The following OTOP1 variants were observed in gnomAD, a reference collection of about 807,000 sequenced individuals.
The protein encoded by OTOP1 is otopetrin 1.
In OTOP1, 59 loss-of-function variants were observed where a neutral mutation model predicts 52.9. The observed-to-expected ratio is 1.12, with a 90% confidence interval of 0.91 to 1.39. The LOEUF (loss-of-function observed/expected upper bound fraction) is 1.39, where lower values mean the gene tolerates loss of function less well. OTOP1 is among the 40% of genes most tolerant of loss of function. The probability of loss-of-function intolerance (pLI) is 0.00; values close to 1 mark genes in which losing one functional copy is unlikely to be tolerated. For missense variants in OTOP1, 761 were observed against 800.9 expected (o/e 0.95, Z 0.60); for synonymous variants, 317 against 337.7 (o/e 0.94, Z 0.67).
intron 1 of OTOP1, 52 bp from the exon 2 acceptor site, chr4:4,213,056 C>T (rs1717060153): frequency 2.5e-6 from 4 of 1,573,810 alleles, no homozygotes; most frequent in East Asian, 4.5e-5. Flanking sequence ...CATTAACATA[C>T]ATTGATGTCA....
At chr4:4,206,006 A>T in intron 3 of OTOP1, 66 bp downstream of exon 3, 1 of 1,346,550 alleles carries the variant, frequency 7.4e-7, no homozygotes. Context: ...GATGGCAGTG[A>T]TGAGTTTTGA....
chr4:4,208,762 G>A (rs114508039), intron 2 of OTOP1, among the ~76,000 whole-genome samples: 23,112 of 143,962 alleles, frequency 0.16, 2,308 homozygotes, highest in Non-Finnish European at 0.23. Context: ...GATGGTAAGT[G>A]TTATGTGATT....
In OTOP1 at chr4:4,197,365, G is replaced by A. The variant is rs750979024; in HGVS notation, c.1469C>T (p.Pro490Leu). ...KSGGVARDVA[P>L]QGKDMPPAAN... is the part of the protein sequence containing the mutation. ...TGCTGGTGGCATGTCCTTGCCCTGG[G>A]GAGCCACATCTCTGGCCACACCTCC... Residue 490 changes from proline to leucine, a missense_variant, in exon 5 of 6, where the codon CCC becomes CTC. Physicochemically the swap from Pro to Leu is moderately conservative, Grantham distance 98. Around this residue, in one of 3 missense-constraint regions of OTOP1, gnomAD observed 632 missense variants for 619.5 expected, o/e 1.02. Transcript: ENST00000296358. 1 of 1,614,076 alleles carries A rather than the reference G, an allele frequency of 6.2e-7. No homozygotes were observed. Among genetic ancestry groups the A allele is most frequent in the Non-Finnish European group, 8.5e-7 (1 of 1,180,030 alleles).
At chr4:4,205,960 G>A in intron 3 of OTOP1, 112 bp downstream of exon 3, 1 of 908,058 alleles carries the variant, frequency 1.1e-6, no homozygotes, top group Non-Finnish European at 1.7e-6. Context: ...TTTCAGGACT[G>A]AGGGGAGAGT....
chr4:4,199,208 A>T (rs1716719861), intron 4 of OTOP1, among the ~76,000 whole-genome samples: 1 of 97,904 alleles, frequency 1.0e-5, no homozygotes. Context: ...TTTAAAAAAA[A>T]CTCAGGTAAA....
chr4:4,202,495 T>C lies in OTOP1; in HGVS notation c.683A>G (p.Glu228Gly), dbSNP rs772595728. 5 of 1,614,102 alleles carry C rather than the reference T, an allele frequency of 3.1e-6. No homozygotes were observed. Among genetic ancestry groups the C allele is most frequent in the Non-Finnish European group, 4.2e-6 (5 of 1,179,974 alleles). Residue 228 changes from glutamate (E) to glycine (G), a missense_variant, in exon 4 of 6, where the codon GAG (glutamate) becomes GGG (glycine). By Grantham distance (98) the Glu-to-Gly change is moderately conservative. Coordinates refer to ENST00000296358, the MANE Select transcript of OTOP1 (RefSeq NM_177998.3). ...CAGAGTGATGAGCCGTTCCTTGTGCTCATTGAGTTGGTGCTTTGACTCATT... is the reference window on the plus strand; with the variant it reads ...CAGAGTGATGAGCCGTTCCTTGTGCCCATTGAGTTGGTGCTTTGACTCATT... ...VLNESKHQLN[E>G]HKERLITLGF...
intron 5 of OTOP1, among the ~76,000 whole-genome samples, chr4:4,191,666 TC>T (rs1716510278): frequency 6.6e-6 from 1 of 152,212 alleles, no homozygotes; most frequent in African/African-American, 2.4e-5. Flanking sequence ...AGCTGGTCCC[TC>T]TGATCTACAA....
intron 5 of OTOP1, among the ~76,000 whole-genome samples, chr4:4,193,526 T>C (rs945755310): frequency 6.7e-6 from 1 of 148,622 alleles, no homozygotes; most frequent in Non-Finnish European, 1.5e-5. Context: ...CTCTGCCAGA[T>C]GCCTTTGGCA....
intron 4 of OTOP1, among the ~76,000 whole-genome samples, chr4:4,201,533 T>C (rs528675186): frequency 6.8e-6 from 1 of 147,856 alleles, no homozygotes; most frequent in South Asian, 2.1e-4. Context: ...ACCAGAGAGA[T>C]TGATACCAAG....
Position 4,218,140 on chromosome 4 carries a change from C to T in OTOP1, c.404-5136G>A, listed in dbSNP as rs569440716. 2.0e-5 allele frequency among the ~76,000 whole-genome samples: 3 copies of T among 152,160 alleles called. No individual in the cohort carries two copies. In the East Asian group the frequency reaches 5.8e-4, roughly 29 times the overall value. ...AGCACAGTGGCTCATACCTGTAATC[C>T]CAGTGCTTTGGGAGGCCGAGGCAGA... On this transcript the variant is annotated intron_variant, in intron 1 of 5. Coordinates refer to ENST00000296358, the MANE Select transcript of OTOP1 (RefSeq NM_177998.3).
chr4:4,198,683 C>T (rs1170327482), intron 4 of OTOP1, among the ~76,000 whole-genome samples: 7 of 152,076 alleles, frequency 4.6e-5, no homozygotes, highest in South Asian at 2.1e-4. Flanking sequence ...AGGCGCCGTC[C>T]GATATCGGTG....
rs550643427 is a variant in OTOP1, at chr4:4,192,855, T to C, written c.1669-3882A>G. Among the ~76,000 whole-genome samples, 217 of 152,234 alleles carry C rather than the reference T, an allele frequency of 1.4e-3. 6 individuals carry two copies. The South Asian group carries it at 0.044, about 31-fold the overall frequency. On this transcript the variant is annotated intron_variant, in intron 5 of 5. Transcript: ENST00000296358. Reference sequence around the variant, plus strand: ...GTCTAGGAGTCAAATTCCTAGAGACTGAAAGAACGGTGGTTGTCAGGGGCT... The same window carrying C: ...GTCTAGGAGTCAAATTCCTAGAGACCGAAAGAACGGTGGTTGTCAGGGGCT...
Position 4,192,148 on chromosome 4 carries a change from G to A in OTOP1, c.1669-3175C>T, listed in dbSNP as rs567796011. On this transcript the variant is annotated intron_variant, in intron 5 of 5. Transcript: ENST00000296358. ...TGCAGTTTCCAAGCCCAGGCCTTAGGAGACAGGCAGCTTCCAGTTCAATCT... is the reference window on the plus strand; with the variant it reads ...TGCAGTTTCCAAGCCCAGGCCTTAGAAGACAGGCAGCTTCCAGTTCAATCT... 2.0e-5 allele frequency among the ~76,000 whole-genome samples: 3 copies of A among 152,276 alleles called. No individual in the cohort carries two copies. In the East Asian group the frequency reaches 5.8e-4, roughly 29 times the overall value.
At chr4:4,209,847 C>A (rs900167561) in intron 2 of OTOP1, among the ~76,000 whole-genome samples, 1 of 152,180 alleles carries the variant, frequency 6.6e-6, no homozygotes, top group African/African-American at 2.4e-5. Context: ...TGTGCCCACA[C>A]ATCGCCCCCC....
chr4:4,201,059 G>A (rs1490116530), intron 4 of OTOP1, among the ~76,000 whole-genome samples: 4 of 152,106 alleles, frequency 2.6e-5, no homozygotes, highest in Admixed American at 6.5e-5. Context: ...ATCATGGCTC[G>A]ATCACGTGTT....
chr4:4,201,224 C>T (rs1577177778), intron 4 of OTOP1, among the ~76,000 whole-genome samples: 1 of 152,024 alleles, frequency 6.6e-6, no homozygotes, highest in South Asian at 2.1e-4. Flanking sequence ...GCCAAGAGTT[C>T]GAGACCAGCT....
chr4:4,197,193 T>C lies in OTOP1; in HGVS notation c.1641A>G (p.Ala547=), dbSNP rs1343926371. ...NAKRKVLRNI[A]AFLFLCNISL... is the part of the protein sequence containing the mutation. The stretch of plus-strand genomic sequence containing the variant: ...AAATATTGCAGAGGAACAAGAAGGC[T>C]GCAATATTCCTCAGGACTTTTCTCT... Residue 547 remains alanine (A), a synonymous_variant, in exon 5 of 6, where the codon GCA becomes GCG. Coordinates refer to ENST00000296358, the MANE Select transcript of OTOP1 (RefSeq NM_177998.3). The C allele has an allele frequency of 2.5e-6, 4 of 1,612,066 alleles. No individual in the cohort carries two copies. The highest frequency in any genetic ancestry group is 2.2e-5 in the East Asian group (1 of 44,854).
At chr4:4,220,414 A>G (rs1717275338) in intron 1 of OTOP1, among the ~76,000 whole-genome samples, 1 of 152,156 alleles carries the variant, frequency 6.6e-6, no homozygotes, top group Non-Finnish European at 1.5e-5. Context: ...TCTGTGGAAT[A>G]TTGACAAAAA....
At chr4:4,218,461 T>G (rs113040463) in intron 1 of OTOP1, among the ~76,000 whole-genome samples, 1 of 148,170 alleles carries the variant, frequency 6.7e-6, no homozygotes, top group Non-Finnish European at 1.5e-5. Flanking sequence ...AAAGCCCTCA[T>G]GGTAAATAAA....
Sources: allele counts gnomAD v4.1 joint callset (sites outside exome capture counted in the v4.1 genomes callset), GRCh38; gene constraint gnomAD v4.1.1; regional missense constraint gnomAD v4.1.1; transcripts MANE v1.5; gene names NCBI Gene and HGNC (gene_info 2026-07-23, HGNC 2026-07-21).